Variants in IL12RB2 observed in about 807,000 individuals in gnomAD.
IL12RB2 encodes interleukin 12 receptor subunit beta 2.
In IL12RB2, 82 loss-of-function variants were observed where a neutral mutation model predicts 89.4. That is an observed-to-expected ratio of 0.92 (90% CI 0.77 to 1.10). The LOEUF is 1.10. IL12RB2 is among the 50% of genes least tolerant of loss of function. The pLI, the probability that IL12RB2 is intolerant of heterozygous loss-of-function variation, is 0.00. For missense variants in IL12RB2, 963 were observed against 1,031.9 expected, an observed-to-expected ratio of 0.93 and a Z score of 0.92; for synonymous variants, 368 against 370.1, an observed-to-expected ratio of 0.99 and a Z score of 0.07.
At position 67,330,659 on chromosome 1, in the gene IL12RB2, G is replaced by A; in HGVS notation, c.808-1G>A. The A allele has an allele frequency of 1.4e-6, 2 of 1,481,238 alleles. No individual in the cohort carries two copies. Among genetic ancestry groups the A allele is most frequent in the Non-Finnish European group, 1.9e-6 (2 of 1,060,010 alleles). 91.8% of individuals were successfully genotyped at this position (1,481,238 alleles called of 1,614,324 possible). A position where few individuals can be genotyped will look rare whatever the true frequency, so the allele number is the denominator to read the frequency against. ...CACTTTAAAAAAATGTCTGTTTCAA[G>A]GTTAATGTTACAAAGGCCAAAGGAA... On this transcript the variant is annotated splice_acceptor_variant, in intron 7 of 16. Coordinates refer to ENST00000674203, the MANE Select transcript of IL12RB2 (RefSeq NM_001374259.2). LOFTEE classifies it high-confidence loss of function.
chr1:67,320,886 C>T (rs1656408149), intron 3 of IL12RB2, among the ~76,000 whole-genome samples: 1 of 149,940 alleles, frequency 6.7e-6, no homozygotes, highest in South Asian at 2.1e-4. Context: ...CTATCCCTCC[C>T]CCAGCCCCCA....
chr1:67,356,126 C>A (rs553357947), intron 10 of IL12RB2, among the ~76,000 whole-genome samples: 27 of 152,198 alleles, frequency 1.8e-4, no homozygotes, highest in Non-Finnish European at 2.1e-4. Context: ...CAAGTGAAGA[C>A]AAGGAACCAT....
intron 8 of IL12RB2, among the ~76,000 whole-genome samples, chr1:67,332,053 G>A (rs1380457407): frequency 6.6e-6 from 1 of 152,042 alleles, no homozygotes; most frequent in Admixed American, 6.6e-5. Context: ...TAATTAAGTT[G>A]CATTTATTTT....
chr1:67,317,675 G>A (rs1569717159), intron 2 of IL12RB2, among the ~76,000 whole-genome samples: 2 of 152,164 alleles, frequency 1.3e-5, no homozygotes, highest in African/African-American at 4.8e-5. Context: ...GACATCTTTG[G>A]TGGGCCATTT....
At chr1:67,333,957 G>C (rs977133808) in intron 8 of IL12RB2, among the ~76,000 whole-genome samples, 1 of 152,188 alleles carries the variant, frequency 6.6e-6, no homozygotes, top group African/African-American at 2.4e-5. Flanking sequence ...TGCAGTTTGT[G>C]ATCTTGCTCA....
chr1:67,397,790 C>T lies in IL12RB2; in HGVS notation c.*1701C>T, dbSNP rs571744509. Reference sequence around the variant, plus strand: ...CACCCCGTACCCCTTCCCACATGAACGCTGGAACTGAGATGGCTTCCCCAT... The same window carrying T: ...CACCCCGTACCCCTTCCCACATGAATGCTGGAACTGAGATGGCTTCCCCAT... On this transcript the variant is annotated 3_prime_UTR_variant, in exon 17 of 17. Transcript: ENST00000674203. Among the ~76,000 whole-genome samples, 57 of 152,212 alleles carry T rather than the reference C, an allele frequency of 3.7e-4. No individual in the cohort carries two copies. The highest frequency in any genetic ancestry group is 8.3e-4 in the South Asian group (4 of 4,832).
chr1:67,367,488 C>G (rs12410109), intron 10 of IL12RB2, among the ~76,000 whole-genome samples: 414 of 25,728 alleles, frequency 0.016, 2 homozygotes, highest in African/African-American at 0.052. Context: ...AGGAAGGAAG[C>G]AAAGAAGGAA....
In IL12RB2 at chr1:67,392,881, C is replaced by T. The variant is rs149016924; in HGVS notation, c.2047-2666C>T. ...CCAAGTGATCCACCCGCCTCAGCCT[C>T]CCAAAGTGTTGGGAGTACAGGCATG... On this transcript the variant is annotated intron_variant, in intron 16 of 16. Transcript: ENST00000674203. 4.9e-3 allele frequency among the ~76,000 whole-genome samples: 745 copies of T among 152,224 alleles called. 2 individuals are homozygous for T. The highest frequency in any genetic ancestry group is 7.6e-3 in the Non-Finnish European group (518 of 68,010).
chr1:67,392,099 T>G (rs541167354), intron 16 of IL12RB2, among the ~76,000 whole-genome samples: 2 of 152,232 alleles, frequency 1.3e-5, no homozygotes, highest in African/African-American at 4.8e-5. Context: ...TTTTAAAGGA[T>G]CTTTAAACAC....
intron 11 of IL12RB2, among the ~76,000 whole-genome samples, chr1:67,371,698 T>C (rs574375897): frequency 7.9e-5 from 12 of 152,294 alleles, no homozygotes; most frequent in Non-Finnish European, 1.5e-4. Context: ...CCAATAAGCT[T>C]CATGACTGAC....
At chr1:67,333,488 G>GT (rs1251010499) in intron 8 of IL12RB2, among the ~76,000 whole-genome samples, 1 of 149,970 alleles carries the variant, frequency 6.7e-6, no homozygotes, top group Non-Finnish European at 1.5e-5. Flanking sequence ...TGAGAGAAAT[G>GT]TAACATCTCC....
At chr1:67,384,154 G>C (rs1419192601) in intron 14 of IL12RB2, among the ~76,000 whole-genome samples, 1 of 152,208 alleles carries the variant, frequency 6.6e-6, no homozygotes, top group Non-Finnish European at 1.5e-5. Flanking sequence ...CTCTAGCAGA[G>C]GTTCTCCATA....
At chr1:67,392,561 AG>A (rs1409114238) in intron 16 of IL12RB2, among the ~76,000 whole-genome samples, 1 of 148,500 alleles carries the variant, frequency 6.7e-6, no homozygotes, top group Non-Finnish European at 1.5e-5. Context: ...CTCCAGGGAG[AG>A]GGTTGAGAGT....
intron 9 of IL12RB2, among the ~76,000 whole-genome samples, chr1:67,345,085 C>A (rs980600343): frequency 6.6e-6 from 1 of 152,094 alleles, no homozygotes; most frequent in African/African-American, 2.4e-5. Flanking sequence ...GCAGGAGAAT[C>A]ACTTGAACCC....
upstream of IL12RB2, chr1:67,307,505 G>C (rs921461018): frequency 6.6e-6 from 1 of 152,244 alleles, no homozygotes; most frequent in Non-Finnish European, 1.5e-5. Context: ...ACCTCACCTC[G>C]GTCAACCCTT....
chr1:67,338,785 T>C (rs1659179697), intron 9 of IL12RB2, 82 bp downstream of exon 9: 2 of 776,220 alleles, frequency 2.6e-6, no homozygotes, highest in Admixed American at 1.8e-5. Flanking sequence ...GGCTTTTATA[T>C]GAAGCTTCAA....
chr1:67,334,706 C>T (rs1022278277), intron 8 of IL12RB2, among the ~76,000 whole-genome samples: 3 of 152,156 alleles, frequency 2.0e-5, no homozygotes, highest in South Asian at 2.1e-4. Flanking sequence ...GTCTCGATCT[C>T]CTGACCTTGG....
intron 16 of IL12RB2, among the ~76,000 whole-genome samples, chr1:67,393,453 A>G (rs1666044164): frequency 6.6e-6 from 1 of 152,324 alleles, no homozygotes; most frequent in Non-Finnish European, 1.5e-5. Flanking sequence ...GAAAACGACA[A>G]GCCATTTCCG....
chr1:67,391,519 TATA>T lies in IL12RB2; in HGVS notation c.2046+1398_2046+1400del, dbSNP rs544577903. On this transcript the variant is annotated intron_variant, in intron 16 of 16. Transcript: ENST00000674203. ...TATTCTGTCATATAATATATAATTA[TATA>T]ATAATATTATACATTCATTATTATA... Among the ~76,000 whole-genome samples, 556 of 148,244 alleles carry T rather than the reference TATA, an allele frequency of 3.8e-3. 3 individuals are homozygous for T. The highest frequency in any genetic ancestry group is 0.013 in the African/African-American group (539 of 40,922).
Sources: gnomAD v4.1 joint callset for allele counts (sites outside exome capture counted in the v4.1 genomes callset) on GRCh38, gnomAD v4.1.1 for gene constraint, MANE v1.5 for transcripts, NCBI Gene and HGNC (gene_info 2026-07-23, HGNC 2026-07-21) for gene names.